The following TRDMT1 variants were observed in gnomAD, a reference collection of about 807,000 sequenced individuals.
The protein encoded by TRDMT1 is tRNA aspartic acid methyltransferase 1, also known as tRNA (cytosine(38)-C(5))-methyltransferase.
A neutral mutation model predicts 51.2 loss-of-function variants in TRDMT1; 49 were observed. The observed-to-expected ratio is 0.96, with a 90% CI of 0.76 to 1.21. TRDMT1 has a LOEUF of 1.21. TRDMT1 is among the 50% of genes most tolerant of loss of function. The pLI, the probability that TRDMT1 is intolerant of heterozygous loss-of-function variation, is 0.00. For synonymous variants in TRDMT1, 187 were observed against 164.6 expected, an observed-to-expected ratio of 1.14 and a Z score of -1.04; for missense variants, 534 against 462.3, an observed-to-expected ratio of 1.16 and a Z score of -1.42.
intron 3 of TRDMT1, among the ~76,000 whole-genome samples, chr10:17,164,170 A>G (rs1187533665): frequency 6.6e-6 from 1 of 152,210 alleles, no homozygotes; most frequent in Non-Finnish European, 1.5e-5. Context: ...CTTATCCACC[A>G]TGATCAAGTG....
At position 17,162,278 on chromosome 10, in the gene TRDMT1, A is replaced by T. The variant is rs373110027; in HGVS notation, c.252-41T>A. The T allele has an allele frequency of 2.1e-3, 3,260 of 1,518,582 alleles. 36 individuals carry two copies. Among genetic ancestry groups the T allele is most frequent in the South Asian group, 0.016 (1,344 of 81,932 alleles). The allele number at this position is 1,518,582 out of a possible 1,614,324, so 94.1% of individuals were successfully genotyped here. On this transcript the variant is annotated intron_variant, in intron 3 of 10. Coordinates refer to ENST00000377799, the MANE Select transcript of TRDMT1 (RefSeq NM_004412.7). ...AAAAAAAAAACAAAAAAAAACACAG[A>T]AAGTTTATTAAGAATCTGATAAAAA...
chr10:17,152,069 T>C (rs759483865), intron 10 of TRDMT1: 24 of 1,301,734 alleles, frequency 1.8e-5, no homozygotes, highest in Non-Finnish European at 2.4e-5. Flanking sequence ...TAATCTCTTT[T>C]CTGTCTTCAA....
chr10:17,141,202 C>T lies in TRDMT1; in HGVS notation c.*7838G>A, dbSNP rs1445172480. Among the ~76,000 whole-genome samples the T allele has an allele frequency of 6.6e-6, 1 of 152,128 alleles. No homozygotes were observed. Among genetic ancestry groups the T allele is most frequent in the Non-Finnish European group, 1.5e-5 (1 of 68,020 alleles). On this transcript the variant is annotated 3_prime_UTR_variant, in exon 11 of 11. Transcript: ENST00000377799. ...TTTTTGAGACGGAGTCTCACTCTGT[C>T]ACCAGGCTGGAGTGCAGTGGCACGA...
In TRDMT1 at chr10:17,142,309, C is replaced by T. The variant is rs1456717110; in HGVS notation, c.*6731G>A. ...CTCCATTTGTGTTTAGCATGCAAGC[C>T]CTGGCTTAGTTTTTGTGGGCTATGA... On this transcript the variant is annotated 3_prime_UTR_variant, in exon 11 of 11. Coordinates refer to ENST00000377799, the MANE Select transcript of TRDMT1 (RefSeq NM_004412.7). 2.0e-5 allele frequency: 3 copies of T among 152,030 alleles called. No homozygotes were observed. Among genetic ancestry groups the T allele is most frequent in the Admixed American group, 6.6e-5 (1 of 15,244 alleles). 9.4% of individuals were successfully genotyped at this position (152,030 alleles called of 1,614,324 possible). A position where few individuals can be genotyped will look rare whatever the true frequency, so the allele number is the denominator to read the frequency against.
intron 5 of TRDMT1, among the ~76,000 whole-genome samples, chr10:17,161,077 A>C (rs548172401): frequency 3.3e-3 from 498 of 152,276 alleles, no homozygotes; most frequent in Non-Finnish European, 5.8e-3. Context: ...TCTCCAGCTG[A>C]GCCACCATCT....
rs1208259685 is a variant in TRDMT1, at chr10:17,142,215, AGGCT to A, written c.*6821_*6824del. ...TGATTTTTCTGGTTCTTGGTATGACAGGCTATTTTACATCGTATCCTGAACCTTT... is the reference window on the plus strand; with the variant it reads ...TGATTTTTCTGGTTCTTGGTATGACAATTTTACATCGTATCCTGAACCTTT... On this transcript the variant is annotated 3_prime_UTR_variant, in exon 11 of 11. Transcript: ENST00000377799. 1.3e-5 allele frequency: 2 copies of A among 152,204 alleles called. No homozygotes were observed. The highest frequency in any genetic ancestry group is 2.4e-5 in the African/African-American group (1 of 41,446). The allele number at this position is 152,204 out of a possible 1,614,324, so 9.4% of individuals were successfully genotyped here.
chr10:17,197,740 A>G (rs1237887682), intron 1 of TRDMT1, among the ~76,000 whole-genome samples: 1 of 152,222 alleles, frequency 6.6e-6, no homozygotes, highest in Non-Finnish European at 1.5e-5. Context: ...GCACATGAAA[A>G]GACCCTCAAC....
chr10:17,187,718 G>A (rs536656216), intron 1 of TRDMT1, among the ~76,000 whole-genome samples: 1 of 152,268 alleles, frequency 6.6e-6, no homozygotes, highest in South Asian at 2.1e-4. Context: ...AGGGAGGCAG[G>A]GCAGAGGATA....
chr10:17,145,613 AG>A lies in TRDMT1; in HGVS notation c.*3426del, dbSNP rs1470405680. 1 of 985,344 alleles carries A rather than the reference AG, an allele frequency of 1.0e-6. No homozygotes were observed. Among genetic ancestry groups the A allele is most frequent in the African/African-American group, 1.7e-5 (1 of 57,252 alleles). 61.0% of individuals were successfully genotyped at this position (985,344 alleles called of 1,614,324 possible). ...CCAAGCCGAAGGCCAAATTATGACA[AG>A]GTAACCTGTTCATAACATAAGCAAT... is the stretch of plus-strand genomic sequence containing the variant. On this transcript the variant is annotated 3_prime_UTR_variant, in exon 11 of 11. Coordinates refer to ENST00000377799, the MANE Select transcript of TRDMT1 (RefSeq NM_004412.7).
At chr10:17,190,298 T>C (rs1404893483) in intron 1 of TRDMT1, among the ~76,000 whole-genome samples, 2 of 152,158 alleles carry the variant, frequency 1.3e-5, no homozygotes, top group Non-Finnish European at 2.9e-5. Context: ...CACCAAACTG[T>C]ACATGTAACC....
chr10:17,153,782 A>G (rs1270338948), intron 9 of TRDMT1, 146 bp from the exon 10 acceptor site: 1 of 674,072 alleles, frequency 1.5e-6, no homozygotes, highest in African/African-American at 1.8e-5. Flanking sequence ...GCTCTGTGCA[A>G]TAGACTACAT....
chr10:17,151,637 A>T (rs1448857085), intron 10 of TRDMT1: 4 of 974,880 alleles, frequency 4.1e-6, no homozygotes, highest in Non-Finnish European at 4.9e-6. Flanking sequence ...TGTTTTTCTA[A>T]GTATTATACA....
intron 9 of TRDMT1, among the ~76,000 whole-genome samples, chr10:17,154,321 A>G (rs1839205448): frequency 1.3e-5 from 2 of 152,292 alleles, no homozygotes; most frequent in South Asian, 4.1e-4. Flanking sequence ...AGGAAGTTTT[A>G]TAGTGTGTGC....
At chr10:17,197,266 C>A (rs537038499) in intron 1 of TRDMT1, among the ~76,000 whole-genome samples, 1 of 152,110 alleles carries the variant, frequency 6.6e-6, no homozygotes, top group African/African-American at 2.4e-5. Context: ...TCAATAGTAA[C>A]CTCAATAGTA....
chr10:17,185,763 G>T (rs1047832537), intron 1 of TRDMT1, among the ~76,000 whole-genome samples: 1 of 152,066 alleles, frequency 6.6e-6, no homozygotes, highest in Non-Finnish European at 1.5e-5. Context: ...GTAGGGACAT[G>T]GATGAAGCTG....
intron 1 of TRDMT1, among the ~76,000 whole-genome samples, chr10:17,192,365 A>G (rs1037665419): frequency 6.6e-6 from 1 of 152,208 alleles, no homozygotes; most frequent in African/African-American, 2.4e-5. Context: ...CAGAGATAGT[A>G]AGAATGACAA....
chr10:17,158,868 G>C (rs1333425891), intron 7 of TRDMT1, among the ~76,000 whole-genome samples: 7 of 152,106 alleles, frequency 4.6e-5, no homozygotes, highest in Non-Finnish European at 1.0e-4. Context: ...ATGGGGGAAG[G>C]AGGAAGATAA....
chr10:17,146,842 C>T lies in TRDMT1; in HGVS notation c.*2198G>A, dbSNP rs1049036316. 3.0e-6 allele frequency: 3 copies of T among 985,206 alleles called. No individual in the cohort carries two copies. The highest frequency in any genetic ancestry group is 1.7e-5 in the African/African-American group (1 of 57,234). The allele number at this position is 985,206 out of a possible 1,614,324, so 61.0% of individuals were successfully genotyped here. On this transcript the variant is annotated 3_prime_UTR_variant, in exon 11 of 11. Coordinates refer to ENST00000377799, the MANE Select transcript of TRDMT1 (RefSeq NM_004412.7). The stretch of plus-strand genomic sequence containing the variant: ...ACATTTTCCAAATTAATTATGCATA[C>T]ATATACATCTGCTAATTGAATGACA...
chr10:17,173,078 T>C (rs1013958471), intron 2 of TRDMT1, among the ~76,000 whole-genome samples: 2 of 152,124 alleles, frequency 1.3e-5, no homozygotes, highest in East Asian at 1.9e-4. Flanking sequence ...TGAAGAATAA[T>C]GAATTTTTTA....
Sources: gnomAD v4.1 joint callset for allele counts (sites outside exome capture counted in the v4.1 genomes callset) on GRCh38, gnomAD v4.1.1 for gene constraint, MANE v1.5 for transcripts, NCBI Gene and HGNC (gene_info 2026-07-23, HGNC 2026-07-21) for gene names.